Variants in DENND6A observed in about 807,000 individuals in gnomAD.
The protein encoded by DENND6A is protein DENND6A.
Under a neutral mutation model 95.5 loss-of-function variants are expected in DENND6A, and 43 were observed. That is an observed-to-expected ratio of 0.45 (90% confidence interval 0.35 to 0.58). The LOEUF (loss-of-function observed/expected upper bound fraction) is 0.58, where lower values mean the gene tolerates loss of function less well. Ranked by LOEUF, DENND6A falls within the 20% of genes least tolerant of loss-of-function variation. DENND6A has a pLI of 0.00. For missense variants in DENND6A, 574 were observed against 736.0 expected, an observed-to-expected ratio of 0.78 and a Z score of 2.55; for synonymous variants, 257 against 260.4, an observed-to-expected ratio of 0.99 and a Z score of 0.13.
At chr3:57,650,806 T>TG (rs2071193138) in intron 9 of DENND6A, among the ~76,000 whole-genome samples, 1 of 141,264 alleles carries the variant, frequency 7.1e-6, no homozygotes, top group African/African-American at 2.6e-5. Context: ...TTTTTTGAGA[T>TG]GGAGTTTTGC....
At chr3:57,687,372 G>A (rs913493969) in intron 1 of DENND6A, among the ~76,000 whole-genome samples, 1 of 152,170 alleles carries the variant, frequency 6.6e-6, no homozygotes, top group East Asian at 1.9e-4. Flanking sequence ...TGATGAATCC[G>A]CAGAAGAAAA....
chr3:57,634,937 A>G (rs1559804959), intron 12 of DENND6A, among the ~76,000 whole-genome samples, 168 bp from the exon 13 acceptor site: 1 of 152,286 alleles, frequency 6.6e-6, no homozygotes, highest in East Asian at 1.9e-4. Context: ...TTAAAACTGG[A>G]TAACAAGAAT....
At chr3:57,646,200 T>C (rs760972567) in intron 10 of DENND6A, 116 bp downstream of exon 10, 23 of 1,404,242 alleles carry the variant, frequency 1.6e-5, no homozygotes, top group Non-Finnish European at 2.2e-5. Flanking sequence ...CATGGATCAA[T>C]GCAATAATGG....
chr3:57,646,227 C>A, intron 10 of DENND6A, 89 bp downstream of exon 10: 1 of 1,499,530 alleles, frequency 6.7e-7, no homozygotes, highest in South Asian at 1.3e-5. Flanking sequence ...AAAAATACGA[C>A]AGGTGGGAAG....
chr3:57,653,713 T>A (rs1260004448), intron 9 of DENND6A, among the ~76,000 whole-genome samples: 1 of 135,388 alleles, frequency 7.4e-6, no homozygotes, highest in Admixed American at 8.1e-5. Flanking sequence ...ACCACTGCAC[T>A]CCGGCCTGGG....
intron 1 of DENND6A, among the ~76,000 whole-genome samples, chr3:57,682,017 A>G (rs903632600): frequency 6.6e-6 from 1 of 152,214 alleles, no homozygotes; most frequent in Non-Finnish European, 1.5e-5. Flanking sequence ...GGAAACATAG[A>G]CACAATAATT....
rs2071521401 is a variant in DENND6A, at chr3:57,666,139, A to G, written c.416T>C (p.Leu139Ser). ...TTTTCCAACCTTTAAGTAAACTGGT[A>G]AATCTTTGTCAAATTGATCCAGGAG... ...HCLLDQFDKD[L>S]PVYLKKDPAY... Residue 139 changes from leucine to serine, a missense_variant, in exon 4 of 20, where the codon TTA (leucine) becomes TCA (serine). Leu to Ser is a moderately radical substitution (Grantham distance 145). This residue lies in a region of DENND6A where 452 missense variants were observed against 630.9 expected (regional missense o/e 0.72). Coordinates refer to ENST00000311128, the MANE Select transcript of DENND6A (RefSeq NM_152678.3). The G allele has an allele frequency of 6.2e-7, 1 of 1,613,600 alleles. No homozygotes were observed. The highest frequency in any genetic ancestry group is 1.3e-5 in the African/African-American group (1 of 74,928).
chr3:57,668,288 G>A (rs2071558227), intron 3 of DENND6A, among the ~76,000 whole-genome samples: 1 of 152,154 alleles, frequency 6.6e-6, no homozygotes, highest in Non-Finnish European at 1.5e-5. Flanking sequence ...AAGAAGAAAT[G>A]TGTTGAGACG....
At chr3:57,682,719 A>C (rs1265257361) in intron 1 of DENND6A, among the ~76,000 whole-genome samples, 1 of 152,088 alleles carries the variant, frequency 6.6e-6, no homozygotes, top group African/African-American at 2.4e-5. Context: ...TTTGTCACCC[A>C]GGCTGGAGAG....
Position 57,661,486 on chromosome 3 carries a change from T to C in DENND6A, c.579A>G (p.Ala193=), listed in dbSNP as rs777590916. ...HFFHTVLKQI[A]PEYFEKNEPY... Reference sequence around the variant, plus strand: ...GTTCATTCTTTTCAAAATACTCTGGTGCTATCTGTTTGAGCACAGTGTGAA... The same window carrying C: ...GTTCATTCTTTTCAAAATACTCTGGCGCTATCTGTTTGAGCACAGTGTGAA... Residue 193 remains alanine, a synonymous_variant, in exon 6 of 20, where the codon GCA becomes GCG. Transcript: ENST00000311128. 3.2e-6 allele frequency: 5 copies of C among 1,585,680 alleles called. No homozygotes were observed. The highest frequency in any genetic ancestry group is 4.3e-6 in the Non-Finnish European group (5 of 1,173,666).
chr3:57,663,806 C>T (rs2071477873), intron 4 of DENND6A, 90 bp from the exon 5 acceptor site: 5 of 696,648 alleles, frequency 7.2e-6, no homozygotes, highest in Non-Finnish European at 1.1e-5. Context: ...TTAATATTAA[C>T]ATCAGGCTCC....
At chr3:57,660,928 C>A in intron 6 of DENND6A, 89 bp from the exon 7 acceptor site, 1 of 1,141,468 alleles carries the variant, frequency 8.8e-7, no homozygotes. Flanking sequence ...CACTACTTTC[C>A]ATACAGCAGA....
intron 12 of DENND6A, among the ~76,000 whole-genome samples, chr3:57,635,353 T>G (rs1157794622): frequency 2.0e-5 from 3 of 152,190 alleles, no homozygotes; most frequent in African/African-American, 7.2e-5. Context: ...CAGGCTGCTA[T>G]GTTGAATAGC....
intron 14 of DENND6A, among the ~76,000 whole-genome samples, chr3:57,634,074 G>A (rs2070742044): frequency 6.6e-6 from 1 of 151,916 alleles, no homozygotes; most frequent in South Asian, 2.1e-4. Flanking sequence ...TGTAGCTACA[G>A]CCCCAAATTC....
chr3:57,631,832 C>T (rs1272345795), intron 15 of DENND6A, among the ~76,000 whole-genome samples: 4 of 148,448 alleles, frequency 2.7e-5, no homozygotes, highest in African/African-American at 9.9e-5. Flanking sequence ...ATGCCATTCT[C>T]CTGCCTCAGC....
intron 12 of DENND6A, 96 bp downstream of exon 12, chr3:57,641,557 G>T: frequency 9.5e-7 from 1 of 1,047,300 alleles, no homozygotes; most frequent in Non-Finnish European, 1.4e-6. Flanking sequence ...CTTGAAGAAA[G>T]CTGCCATCAA....
chr3:57,686,586 T>C (rs1450238714), intron 1 of DENND6A, among the ~76,000 whole-genome samples: 2 of 152,254 alleles, frequency 1.3e-5, no homozygotes, highest in African/African-American at 2.4e-5. Context: ...TGTTACACTT[T>C]GGTAATTCTC....
chr3:57,676,248 T>G (rs904532309), intron 1 of DENND6A, among the ~76,000 whole-genome samples: 6 of 151,776 alleles, frequency 4.0e-5, no homozygotes, highest in Non-Finnish European at 5.9e-5. Flanking sequence ...GGCATGGTGG[T>G]GGGCACTTGT....
intron 9 of DENND6A, among the ~76,000 whole-genome samples, chr3:57,653,677 C>T (rs1051255691): frequency 7.0e-6 from 1 of 143,808 alleles, no homozygotes; most frequent in Non-Finnish European, 1.5e-5. Flanking sequence ...ACCCAGGAGG[C>T]GGAGGTTGCA....
Sources: allele counts gnomAD v4.1 joint callset (sites outside exome capture counted in the v4.1 genomes callset), GRCh38; gene constraint gnomAD v4.1.1; regional missense constraint gnomAD v4.1.1; transcripts MANE v1.5; gene names NCBI Gene and HGNC (gene_info 2026-07-23, HGNC 2026-07-21).